LRP1B: variants seen among roughly 807,000 people sequenced by gnomAD.
LRP1B encodes the protein LDL receptor related protein 1B, also known as low-density lipoprotein receptor-related protein 1B.
In LRP1B, 217 loss-of-function variants were observed where a neutral mutation model predicts 556.6. That is an observed-to-expected ratio of 0.39 (90% CI 0.35 to 0.44). The LOEUF (loss-of-function observed/expected upper bound fraction) is 0.44, where lower values mean the gene tolerates loss of function less well. LRP1B is among the 20% of genes least tolerant of loss of function. The pLI, the probability that LRP1B is intolerant of heterozygous loss-of-function variation, is 1.00. For synonymous variants in LRP1B, 2,047 were observed against 1,865.8 expected (o/e 1.10, Z -2.50); for missense variants, 5,053 against 5,620.8 (o/e 0.90, Z 3.23).
At chr2:140,377,146 G>T (rs1470095825) in intron 68 of LRP1B, among the ~76,000 whole-genome samples, 1 of 152,128 alleles carries the variant, frequency 6.6e-6, no homozygotes, top group African/African-American at 2.4e-5. Flanking sequence ...CACGATCTCA[G>T]CTCACTGCAA....
At chr2:140,259,922 C>T (rs925049446) in intron 86 of LRP1B, among the ~76,000 whole-genome samples, 1 of 151,728 alleles carries the variant, frequency 6.6e-6, no homozygotes, top group African/African-American at 2.4e-5. Flanking sequence ...ATATGCCCTG[C>T]CCCCACACAC....
At chr2:140,357,025 G>T (rs772690077) in intron 74 of LRP1B, among the ~76,000 whole-genome samples, 1 of 151,680 alleles carries the variant, frequency 6.6e-6, no homozygotes, top group East Asian at 1.9e-4. Context: ...ATAATGGTTG[G>T]TCATAAGCTG....
At chr2:141,445,938 T>C (rs941889274) in intron 3 of LRP1B, among the ~76,000 whole-genome samples, 1 of 152,202 alleles carries the variant, frequency 6.6e-6, no homozygotes, top group African/African-American at 2.4e-5. Flanking sequence ...TTAGGTCCAC[T>C]TCGTCTGGAG....
intron 2 of LRP1B, among the ~76,000 whole-genome samples, chr2:141,746,734 C>G (rs926641527): frequency 3.3e-5 from 5 of 151,986 alleles, no homozygotes; most frequent in East Asian, 3.9e-4. Context: ...TGCTCCACCC[C>G]CATTTTGAAT....
Position 141,399,965 on chromosome 2 carries a change from C to CT in LRP1B, c.343+80430dup, listed in dbSNP as rs1299484431. ...CTGTTACACATTTCATCTACATTAT[C>CT]TTTTTTGTTGTTTTGGTTTGGTTTG... is the stretch of plus-strand genomic sequence containing the variant. On this transcript the variant is annotated intron_variant, in intron 3 of 90. Transcript: ENST00000389484. Among the ~76,000 whole-genome samples, 5 of 152,168 alleles carry CT rather than the reference C, an allele frequency of 3.3e-5. No individual in the cohort carries two copies. The South Asian group carries it at 1.0e-3, about 32-fold the overall frequency.
intron 14 of LRP1B, among the ~76,000 whole-genome samples, chr2:141,006,333 C>T (rs1697574613): frequency 6.6e-6 from 1 of 151,904 alleles, no homozygotes; most frequent in African/African-American, 2.4e-5. Flanking sequence ...TATATATCAT[C>T]GTTAACTATA....
At chr2:140,549,732 T>A (rs1035130942) in intron 43 of LRP1B, among the ~76,000 whole-genome samples, 11 of 152,218 alleles carry the variant, frequency 7.2e-5, no homozygotes, top group African/African-American at 2.4e-4. Flanking sequence ...ATAGTTTCAA[T>A]GTCCCTTTTA....
intron 2 of LRP1B, among the ~76,000 whole-genome samples, chr2:141,577,005 T>G (rs1434213045): frequency 9.9e-5 from 15 of 152,002 alleles, no homozygotes; most frequent in Admixed American, 9.8e-4. Context: ...GCTCACTTAT[T>G]ACATTATTTT....
chr2:141,465,208 C>T (rs1365409812), intron 3 of LRP1B, among the ~76,000 whole-genome samples: 1 of 151,828 alleles, frequency 6.6e-6, no homozygotes, highest in East Asian at 1.9e-4. Context: ...GAAATTCAGA[C>T]AAGTTTTTAA....
chr2:140,717,717 T>C (rs1028677650), intron 35 of LRP1B, among the ~76,000 whole-genome samples: 3 of 152,074 alleles, frequency 2.0e-5, no homozygotes, highest in African/African-American at 7.2e-5. Flanking sequence ...AATAAATCCT[T>C]TAAGACCAAT....
At chr2:141,827,580 G>A (rs557370216) in intron 1 of LRP1B, among the ~76,000 whole-genome samples, 1 of 152,030 alleles carries the variant, frequency 6.6e-6, no homozygotes, top group Non-Finnish European at 1.5e-5. Flanking sequence ...TCCTTCAACA[G>A]ATGGTGGAAC....
chr2:140,955,660 A>G (rs919364269), intron 18 of LRP1B, among the ~76,000 whole-genome samples: 1 of 151,782 alleles, frequency 6.6e-6, no homozygotes, highest in East Asian at 1.9e-4. Flanking sequence ...CAATTTACCT[A>G]TTATATGTTT....
rs1353023649 is a variant in LRP1B, at chr2:141,654,888, G to A, written c.205+155391C>T. Among the ~76,000 whole-genome samples the A allele has an allele frequency of 2.0e-5, 3 of 152,128 alleles. 1 individual carries two copies. Among genetic ancestry groups the A allele is most frequent in the African/African-American group, 7.2e-5 (3 of 41,426 alleles). On this transcript the variant is annotated intron_variant, in intron 2 of 90. Coordinates refer to ENST00000389484, the MANE Select transcript of LRP1B (RefSeq NM_018557.3). Reference sequence around the variant, plus strand: ...CTGCGAGCGATATTTATGATAAGTTGTCTTGGTGTTATAACAGTCGGGATA... The same window carrying A: ...CTGCGAGCGATATTTATGATAAGTTATCTTGGTGTTATAACAGTCGGGATA...
intron 1 of LRP1B, among the ~76,000 whole-genome samples, chr2:142,101,925 A>T (rs1387325597): frequency 6.6e-6 from 1 of 151,966 alleles, no homozygotes; most frequent in Non-Finnish European, 1.5e-5. Flanking sequence ...TTAGCCTCCC[A>T]TTGGCTCTGA....
At chr2:140,949,250 T>C (rs751985518) in intron 20 of LRP1B, among the ~76,000 whole-genome samples, 1 of 152,232 alleles carries the variant, frequency 6.6e-6, no homozygotes, top group Non-Finnish European at 1.5e-5. Flanking sequence ...ATAAATAACA[T>C]CTTTCAGTCT....
At chr2:140,955,127 C>A (rs979149334) in intron 18 of LRP1B, among the ~76,000 whole-genome samples, 60 of 151,932 alleles carry the variant, frequency 3.9e-4, no homozygotes, top group African/African-American at 1.4e-3. Flanking sequence ...ATGCATAATA[C>A]CCTGAAAGCA....
chr2:140,368,361 A>G (rs992495777), intron 71 of LRP1B, among the ~76,000 whole-genome samples: 8 of 151,852 alleles, frequency 5.3e-5, no homozygotes, highest in African/African-American at 1.9e-4. Context: ...AAGCATCTAG[A>G]GTTCTCATCT....
At position 141,949,933 on chromosome 2, in the gene LRP1B, C is replaced by T. The variant is rs118047586; in HGVS notation, c.83-139532G>A. On this transcript the variant is annotated intron_variant, in intron 1 of 90. Coordinates refer to ENST00000389484, the MANE Select transcript of LRP1B (RefSeq NM_018557.3). Reference sequence around the variant, plus strand: ...AATTATCCTTCCTATGAACTAATCACTGTATACAATAAGATTGGAATTCAG... The same window carrying T: ...AATTATCCTTCCTATGAACTAATCATTGTATACAATAAGATTGGAATTCAG... Among the ~76,000 whole-genome samples, 191 of 152,208 alleles carry T rather than the reference C, an allele frequency of 1.3e-3. 1 individual carries two copies. The East Asian group carries it at 0.028, about 22-fold the overall frequency.
chr2:141,689,962 T>C (rs1691454521), intron 2 of LRP1B, among the ~76,000 whole-genome samples: 1 of 151,826 alleles, frequency 6.6e-6, no homozygotes, highest in Admixed American at 6.6e-5. Flanking sequence ...AAAAGCATTA[T>C]CTACTCTTGT....
Sources: allele counts gnomAD v4.1 joint callset (sites outside exome capture counted in the v4.1 genomes callset), GRCh38; gene constraint gnomAD v4.1.1; transcripts MANE v1.5; gene names NCBI Gene and HGNC (gene_info 2026-07-23, HGNC 2026-07-21).